The following IARS1 variants were observed in gnomAD, a reference collection of about 807,000 sequenced individuals.
The protein encoded by IARS1 is isoleucyl-tRNA synthetase 1.
Under a neutral mutation model 168.2 loss-of-function variants are expected in IARS1, and 124 were observed. The ratio of observed to expected loss-of-function variants is 0.74; its 90% CI spans 0.64 to 0.86. The LOEUF (loss-of-function observed/expected upper bound fraction) is 0.86. IARS1 is among the 40% of genes least tolerant of loss of function. The pLI is 0.00. For missense variants in IARS1, 1,452 were observed against 1,515.8 expected (o/e 0.96, Z 0.70); for synonymous variants, 532 against 529.4 (o/e 1.00, Z -0.07).
At chr9:92,255,147 T>C (rs920893982) in intron 20 of IARS1, among the ~76,000 whole-genome samples, 6 of 152,336 alleles carry the variant, frequency 3.9e-5, no homozygotes, top group African/African-American at 1.2e-4. Context: ...TCTGTGTCTA[T>C]CTGAGCAACA....
At chr9:92,245,345 G>A (rs1829030729) in intron 26 of IARS1, among the ~76,000 whole-genome samples, 1 of 152,130 alleles carries the variant, frequency 6.6e-6, no homozygotes, top group Non-Finnish European at 1.5e-5. Flanking sequence ...CAAAGCTAAG[G>A]GAAGGCACCA....
intron 33 of IARS1, among the ~76,000 whole-genome samples, chr9:92,215,017 T>C (rs1331279339): frequency 2.6e-5 from 4 of 152,146 alleles, no homozygotes; most frequent in Non-Finnish European, 5.9e-5. Flanking sequence ...GACTTAAATG[T>C]CCCTGTCTGA....
At chr9:92,214,787 G>C (rs548933713) in intron 33 of IARS1, among the ~76,000 whole-genome samples, 2 of 152,188 alleles carry the variant, frequency 1.3e-5, no homozygotes, top group Non-Finnish European at 2.9e-5. Flanking sequence ...ACGGAGTCTC[G>C]CTGATTGCTA....
intron 30 of IARS1, among the ~76,000 whole-genome samples, chr9:92,235,952 T>G (rs563158452): frequency 1.3e-5 from 2 of 152,328 alleles, no homozygotes; most frequent in East Asian, 3.9e-4. Context: ...ATTTTACATT[T>G]ATATTCATGT....
chr9:92,272,390 T>A (rs1458475755), intron 10 of IARS1, among the ~76,000 whole-genome samples: 1 of 152,152 alleles, frequency 6.6e-6, no homozygotes, highest in African/African-American at 2.4e-5. Flanking sequence ...AACCACTGAG[T>A]GTGGAGCAAG....
At chr9:92,252,877 A>G (rs1313083872) in intron 21 of IARS1, among the ~76,000 whole-genome samples, 1 of 138,932 alleles carries the variant, frequency 7.2e-6, no homozygotes, top group African/African-American at 2.7e-5. Context: ...CATCATTGTT[A>G]TTTATGTACC....
In IARS1 at chr9:92,258,962, T is replaced by C. The variant is rs1276858610; in HGVS notation, c.1908A>G (p.Glu636=). The part of the protein sequence containing the change: ...YLINSPVVRA[E]NLRFKEEGVR... The stretch of plus-strand genomic sequence containing the variant: ...CACCCTCTTCTTTAAAGCGGAGGTT[T>C]TCTGCTCTCACCACAGGGGAGTTAA... The change falls in exon 19 of 34, where the codon GAA becomes GAG. Residue 636 remains glutamate, a synonymous_variant. Coordinates refer to ENST00000443024, the MANE Select transcript of IARS1 (RefSeq NM_002161.6). 36 of 1,613,476 alleles carry C rather than the reference T, an allele frequency of 2.2e-5. No individual in the cohort carries two copies. The highest frequency in any genetic ancestry group is 3.3e-5 in the Admixed American group (2 of 59,818).
At position 92,280,702 on chromosome 9, in the gene IARS1, T is replaced by C. The variant is rs772261658; in HGVS notation, c.745+44A>G. 8 of 1,322,960 alleles carry C rather than the reference T, an allele frequency of 6.0e-6. No individual in the cohort carries two copies. The African/African-American group carries it at 1.2e-4, about 20-fold the overall frequency. 82.0% of individuals were successfully genotyped at this position (1,322,960 alleles called of 1,614,324 possible). On this transcript the variant is annotated intron_variant, in intron 7 of 33. Coordinates refer to ENST00000443024, the MANE Select transcript of IARS1 (RefSeq NM_002161.6). ...CTTTCATATTTTCCAAAATATAAAA[T>C]TATCTTATCCATATTAATCATAAGT...
intron 7 of IARS1, 105 bp from the exon 8 acceptor site, chr9:92,278,391 G>T: frequency 1.3e-6 from 1 of 770,784 alleles, no homozygotes. Flanking sequence ...CCTGTACCAT[G>T]TGCCTCTACT....
intron 21 of IARS1, among the ~76,000 whole-genome samples, chr9:92,252,764 C>CAAA (rs34983021): frequency 0.12 from 3,332 of 27,298 alleles, 1,133 homozygotes; most frequent in African/African-American, 0.2. Flanking sequence ...AACTCCTTCT[C>CAAA]AAAAAAAAAA....
chr9:92,238,174 G>C, intron 30 of IARS1, among the ~76,000 whole-genome samples: 1 of 152,180 alleles, frequency 6.6e-6, no homozygotes, highest in East Asian at 1.9e-4. Flanking sequence ...CCAGTGTTGG[G>C]ATTACAGGCG....
intron 14 of IARS1, among the ~76,000 whole-genome samples, chr9:92,265,893 G>T (rs1224310661): frequency 6.6e-6 from 1 of 152,096 alleles, no homozygotes; most frequent in African/African-American, 2.4e-5. Context: ...TCTTGGACTC[G>T]AGCTATCAGC....
chr9:92,227,744 C>CG (rs962262131), intron 31 of IARS1, among the ~76,000 whole-genome samples: 4 of 151,656 alleles, frequency 2.6e-5, no homozygotes, highest in Non-Finnish European at 4.4e-5. Flanking sequence ...GATGGGCGGC[C>CG]GGGCAGAGAC....
At chr9:92,284,036 G>C (rs574455628) in intron 6 of IARS1, among the ~76,000 whole-genome samples, 2 of 152,080 alleles carry the variant, frequency 1.3e-5, no homozygotes, top group African/African-American at 4.8e-5. Flanking sequence ...AAATTAGCCA[G>C]GTATGGTGGT....
Position 92,223,362 on chromosome 9 carries a change from C to G in IARS1, c.3537G>C (p.Leu1179=). 2 of 1,612,480 alleles carry G rather than the reference C, an allele frequency of 1.2e-6. No homozygotes were observed. The highest frequency in any genetic ancestry group is 1.7e-6 in the Non-Finnish European group (2 of 1,178,976). ...LLCQYINLQL[L]NAKPQECLMG... is the part of the protein sequence containing the mutation. ...GGCACATACCTTGTGGCTTTGCATT[C>G]AGGAGCTGTAGGTTGATATACTGAC... is the stretch of plus-strand genomic sequence containing the variant. The change falls in exon 32 of 34, where the codon CTG becomes CTC. Residue 1179 remains leucine (L), a synonymous_variant. Transcript: ENST00000443024.
At chr9:92,243,031 A>C in intron 28 of IARS1, 185 bp downstream of exon 28, 1 of 510,732 alleles carries the variant, frequency 2.0e-6, no homozygotes, top group South Asian at 2.0e-5. Context: ...ACGACTTGGG[A>C]GTGAACACGT....
intron 19 of IARS1, among the ~76,000 whole-genome samples, chr9:92,258,274 C>T (rs1302414016): frequency 6.6e-6 from 1 of 152,160 alleles, no homozygotes; most frequent in Non-Finnish European, 1.5e-5. Context: ...GTGTCTCACT[C>T]AACATGGTGT....
Position 92,243,133 on chromosome 9 carries a change from T to C in IARS1, c.3000+83A>G, listed in dbSNP as rs1828684570. 5 of 912,246 alleles carry C rather than the reference T, an allele frequency of 5.5e-6. No homozygotes were observed. The Admixed American group carries it at 7.6e-5, about 14-fold the overall frequency. 56.5% of individuals were successfully genotyped at this position (912,246 alleles called of 1,614,324 possible). ...TATGCATTGATCACTATGGTTTATA[T>C]TACCTGCCTCTCCTATCTTCTCCAA... On this transcript the variant is annotated intron_variant, in intron 28 of 33. Coordinates refer to ENST00000443024, the MANE Select transcript of IARS1 (RefSeq NM_002161.6).
intron 13 of IARS1, 26 bp from the exon 14 acceptor site, chr9:92,268,326 A>T (rs1326603997): frequency 6.2e-7 from 1 of 1,600,338 alleles, no homozygotes; most frequent in African/African-American, 1.4e-5. Context: ...CACATAACCA[A>T]TCACATAAAA....
Sources: gnomAD v4.1 joint callset for allele counts (sites outside exome capture counted in the v4.1 genomes callset) on GRCh38, gnomAD v4.1.1 for gene constraint, MANE v1.5 for transcripts, NCBI Gene and HGNC (gene_info 2026-07-23, HGNC 2026-07-21) for gene names.